Variants in BMAL2 observed in about 807,000 individuals in gnomAD.
BMAL2 encodes basic helix-loop-helix ARNT-like protein 2.
chr12:27,393,934 A>G, the BMAL2 span, among the ~76,000 whole-genome samples: 1 of 152,300 alleles, frequency 6.6e-6, no homozygotes, highest in Non-Finnish European at 1.5e-5. Flanking sequence ...AAGATTACTC[A>G]GTTTTTTGGT....
the BMAL2 span, among the ~76,000 whole-genome samples, chr12:27,379,347 A>G: frequency 6.6e-6 from 1 of 152,228 alleles, no homozygotes; most frequent in East Asian, 1.9e-4. Context: ...TGAATGAGAT[A>G]GGGTTATAAT....
the BMAL2 span, among the ~76,000 whole-genome samples, chr12:27,334,159 A>C: frequency 6.6e-6 from 1 of 152,210 alleles, no homozygotes; most frequent in African/African-American, 2.4e-5. Context: ...GATCATTTGA[A>C]TATTCGTAGT....
the BMAL2 span, among the ~76,000 whole-genome samples, chr12:27,350,957 G>A: frequency 6.8e-6 from 1 of 147,790 alleles, no homozygotes; most frequent in Non-Finnish European, 1.5e-5. Context: ...TAGGATTACA[G>A]GCATGAGCCA....
At chr12:27,388,835 A>G in the BMAL2 span, among the ~76,000 whole-genome samples, 124 of 152,338 alleles carry the variant, frequency 8.1e-4, no homozygotes, top group Non-Finnish European at 1.7e-3. Context: ...TTATACTATG[A>G]TGTAATCTCT....
the BMAL2 span, among the ~76,000 whole-genome samples, chr12:27,355,384 C>T: frequency 6.6e-6 from 1 of 152,226 alleles, no homozygotes; most frequent in Non-Finnish European, 1.5e-5. Context: ...GAACTTCTCT[C>T]TGCAAATCAT....
chr12:27,371,019 G>A, the BMAL2 span, among the ~76,000 whole-genome samples: 53 of 152,198 alleles, frequency 3.5e-4, no homozygotes, highest in Admixed American at 1.6e-3. Context: ...AGACACAAAG[G>A]TACGAGAAAC....
At chr12:27,368,562 G>A in the BMAL2 span, 2 of 1,042,654 alleles carry the variant, frequency 1.9e-6, no homozygotes, top group Non-Finnish European at 2.7e-6. Context: ...ACCTTTGTCG[G>A]TGACTGACTT....
chr12:27,413,692 AAGAC>A, the BMAL2 span, among the ~76,000 whole-genome samples: 1 of 152,204 alleles, frequency 6.6e-6, no homozygotes, highest in Non-Finnish European at 1.5e-5. Flanking sequence ...TATTCAATCA[AAGAC>A]AGAGTGGCTG....
At chr12:27,356,446 A>G in the BMAL2 span, among the ~76,000 whole-genome samples, 1 of 152,174 alleles carries the variant, frequency 6.6e-6, no homozygotes, top group Admixed American at 6.5e-5. Context: ...CTACGTTTCA[A>G]GCTTGATCTC....
the BMAL2 span, chr12:27,380,392 AGATCTTTAAAAGGT>A: frequency 1.2e-6 from 2 of 1,614,006 alleles, no homozygotes; most frequent in Non-Finnish European, 1.7e-6. Flanking sequence ...TCAACACTTG[AGATCTTTAAAAGGT>A]GAGTTTGACG....
chr12:27,352,024 C>T, the BMAL2 span, among the ~76,000 whole-genome samples: 1 of 152,026 alleles, frequency 6.6e-6, no homozygotes, highest in Non-Finnish European at 1.5e-5. Flanking sequence ...ATCACTGCAC[C>T]CTAATTTTTT....
At chr12:27,371,410 A>T in the BMAL2 span, among the ~76,000 whole-genome samples, 3 of 152,132 alleles carry the variant, frequency 2.0e-5, no homozygotes, top group Non-Finnish European at 4.4e-5. Flanking sequence ...AATGGAGAAG[A>T]TATTTTAGGT....
the BMAL2 span, among the ~76,000 whole-genome samples, chr12:27,407,017 G>T: frequency 1.3e-5 from 2 of 152,186 alleles, no homozygotes; most frequent in African/African-American, 2.4e-5. Context: ...TAATGGTAAA[G>T]GGATCAATTC....
chr12:27,376,325 T>A, the BMAL2 span: 1 of 1,610,020 alleles, frequency 6.2e-7, no homozygotes, highest in Non-Finnish European at 8.5e-7. Context: ...TAGTTTGATA[T>A]TTTATCCTGC....
the BMAL2 span, among the ~76,000 whole-genome samples, chr12:27,368,815 A>T: frequency 1.3e-5 from 2 of 152,372 alleles, no homozygotes; most frequent in South Asian, 4.1e-4. Context: ...ATCTGTGGTC[A>T]GTTTAATCAT....
chr12:27,389,537 C>T, the BMAL2 span, among the ~76,000 whole-genome samples: 2 of 152,070 alleles, frequency 1.3e-5, no homozygotes, highest in African/African-American at 4.8e-5. Flanking sequence ...ATGAGTGCTT[C>T]ATATTTGCTA....
chr12:27,355,768 A>G, the BMAL2 span, among the ~76,000 whole-genome samples: 119 of 152,346 alleles, frequency 7.8e-4, 1 homozygote, highest in African/African-American at 2.7e-3. Context: ...TGGAATTCAC[A>G]GAAACTAACA....
chr12:27,343,614 C>T, the BMAL2 span, among the ~76,000 whole-genome samples: 3 of 151,988 alleles, frequency 2.0e-5, no homozygotes. Flanking sequence ...CGTTTTTGTG[C>T]CTTTGGAAAA....
At chr12:27,353,278 C>G in the BMAL2 span, among the ~76,000 whole-genome samples, 3 of 152,122 alleles carry the variant, frequency 2.0e-5, no homozygotes. Context: ...AGCTGTACAC[C>G]TACAACCATC....
Sources: gnomAD v4.1 joint callset for allele counts (sites outside exome capture counted in the v4.1 genomes callset) on GRCh38, gnomAD v4.1.1 for gene constraint, MANE v1.5 for transcripts, NCBI Gene and HGNC (gene_info 2026-07-23, HGNC 2026-07-21) for gene names.